Variants in MTUS2 observed in about 807,000 individuals in gnomAD.
MTUS2 encodes the protein microtubule-associated tumor suppressor candidate 2.
MTUS2 carries 40 observed loss-of-function variants against 114.1 expected under a neutral mutation model. The ratio of observed to expected loss-of-function variants is 0.35; its 90% CI spans 0.27 to 0.46. The LOEUF is 0.46. MTUS2 is among the 20% of genes least tolerant of loss of function. The pLI is 1.00. For missense variants in MTUS2, 1,679 were observed against 1,705.4 expected, an observed-to-expected ratio of 0.98 and a Z score of 0.27; for synonymous variants, 688 against 672.0, an observed-to-expected ratio of 1.02 and a Z score of -0.37.
At chr13:29,339,925 G>A (rs1901302451) in intron 7 of MTUS2, 1 of 152,496 alleles carries the variant, frequency 6.6e-6, no homozygotes, top group African/African-American at 2.4e-5. Flanking sequence ...CCAGGTACCA[G>A]CTCAAGTAGT....
chr13:28,877,117 G>A (rs1448054587), intron 2 of MTUS2, among the ~76,000 whole-genome samples: 6 of 147,856 alleles, frequency 4.1e-5, no homozygotes, highest in South Asian at 2.1e-4. Flanking sequence ...ATGAAACCCC[G>A]TCTCTACTAA....
At chr13:29,185,565 G>A (rs1894187800) in intron 5 of MTUS2, among the ~76,000 whole-genome samples, 1 of 152,152 alleles carries the variant, frequency 6.6e-6, no homozygotes, top group Admixed American at 6.5e-5. Flanking sequence ...GGGATCCTCA[G>A]TAATGTTAAC....
At chr13:29,440,187 A>T in intron 9 of MTUS2, 138 bp downstream of exon 9, 3 of 790,308 alleles carry the variant, frequency 3.8e-6, no homozygotes, top group South Asian at 1.7e-5. Flanking sequence ...CACCCAGCAC[A>T]GTGGTGGGCT....
chr13:29,386,127 A>C (rs1872614337), intron 8 of MTUS2, among the ~76,000 whole-genome samples: 1 of 152,244 alleles, frequency 6.6e-6, no homozygotes, highest in Non-Finnish European at 1.5e-5. Flanking sequence ...GCAAAGTGTC[A>C]AGGTATAAGA....
intron 7 of MTUS2, among the ~76,000 whole-genome samples, chr13:29,356,061 C>T (rs2138208093): frequency 6.6e-6 from 1 of 152,174 alleles, no homozygotes; most frequent in Middle Eastern, 3.4e-3. Flanking sequence ...GGCATGCCTG[C>T]CTGCTTTGCT....
intron 6 of MTUS2, among the ~76,000 whole-genome samples, chr13:29,295,628 A>G (rs1898908012): frequency 1.3e-5 from 2 of 152,204 alleles, no homozygotes; most frequent in Non-Finnish European, 2.9e-5. Context: ...GCTACATAGT[A>G]TTCCATTTGT....
intron 2 of MTUS2, among the ~76,000 whole-genome samples, chr13:28,967,542 T>C (rs192095432): frequency 6.6e-6 from 1 of 152,312 alleles, no homozygotes; most frequent in East Asian, 1.9e-4. Flanking sequence ...GTTATTGTCA[T>C]CATCATTGTC....
chr13:29,497,119 A>G, intron 12 of MTUS2, 119 bp from the exon 13 acceptor site: 1 of 845,814 alleles, frequency 1.2e-6, no homozygotes, highest in Non-Finnish European at 1.9e-6. Flanking sequence ...TTCAGCCCCA[A>G]GGGAAACACT....
In MTUS2 at chr13:29,501,085, T is replaced by G; in HGVS notation, c.3799-12T>G. 6.2e-7 allele frequency: 1 copy of G among 1,612,704 alleles called. No individual in the cohort carries two copies. The highest frequency in any genetic ancestry group is 1.3e-5 in the African/African-American group (1 of 74,984). ...CCTTGCTAGAACCTCTTAAACACTG[T>G]TTCCTTTGTAGGCAGAAAAGAACAT... On this transcript the variant is annotated splice_polypyrimidine_tract_variant and intron_variant, in intron 14 of 15. Transcript: ENST00000612955.
intron 2 of MTUS2, among the ~76,000 whole-genome samples, chr13:28,871,410 TTTTTGAATAGGGG>T: frequency 6.6e-6 from 1 of 152,068 alleles, no homozygotes; most frequent in Non-Finnish European, 1.5e-5. Context: ...CTCAGTGAAG[TTTTTGAATAGGGG>T]CTCATAGTAA....
At chr13:29,160,248 T>C (rs747891090) in intron 5 of MTUS2, among the ~76,000 whole-genome samples, 3 of 152,230 alleles carry the variant, frequency 2.0e-5, no homozygotes, top group Non-Finnish European at 4.4e-5. Context: ...TTCTTCAGCC[T>C]CTGCCATCCC....
chr13:29,341,713 T>C (rs1333308323), intron 7 of MTUS2, among the ~76,000 whole-genome samples: 1 of 152,186 alleles, frequency 6.6e-6, no homozygotes, highest in Admixed American at 6.5e-5. Flanking sequence ...ATAAAATCCT[T>C]GCCAAAGCCA....
intron 4 of MTUS2, among the ~76,000 whole-genome samples, chr13:29,070,634 CAG>C (rs377456748): frequency 7.3e-5 from 11 of 150,716 alleles, no homozygotes; most frequent in African/African-American, 1.9e-4. Flanking sequence ...GAATGTGTGT[CAG>C]AGAGAGAGAG....
In MTUS2 at chr13:29,317,590, C is replaced by T. The variant is rs1243731312; in HGVS notation, c.2807-7023C>T. ...AGTAGCTGGGACTACAGGCGCCCGC[C>T]ACCGCGCCCGGCTAATTTTTTGTAT... is the stretch of plus-strand genomic sequence containing the variant. On this transcript the variant is annotated intron_variant, in intron 6 of 15. Coordinates refer to ENST00000612955, the MANE Select transcript of MTUS2 (RefSeq NM_001033602.4). 4.6e-5 allele frequency among the ~76,000 whole-genome samples: 2 copies of T among 43,706 alleles called. 1 individual carries two copies. Among genetic ancestry groups the T allele is most frequent in the Non-Finnish European group, 9.9e-5 (2 of 20,148 alleles). The allele number at this position is 43,706 out of a possible 152,430, so 28.7% of individuals were successfully genotyped here.
intron 2 of MTUS2, among the ~76,000 whole-genome samples, chr13:28,920,160 A>G (rs1880966473): frequency 6.6e-6 from 1 of 152,170 alleles, no homozygotes. Flanking sequence ...TGAGTTAGGC[A>G]TTTATTGAGT....
At chr13:29,493,522 G>T (rs1882330775) in intron 12 of MTUS2, among the ~76,000 whole-genome samples, 1 of 152,150 alleles carries the variant, frequency 6.6e-6, no homozygotes, top group Non-Finnish European at 1.5e-5. Flanking sequence ...TAACACGTAG[G>T]CAGGAATTCT....
intron 5 of MTUS2, among the ~76,000 whole-genome samples, chr13:29,206,982 G>A (rs186634176): frequency 2.6e-5 from 4 of 152,182 alleles, no homozygotes; most frequent in African/African-American, 9.6e-5. Context: ...CATTAAATTT[G>A]TAGATTGCTT....
At chr13:28,926,514 C>T (rs1881335854) in intron 2 of MTUS2, among the ~76,000 whole-genome samples, 1 of 152,186 alleles carries the variant, frequency 6.6e-6, no homozygotes, top group Non-Finnish European at 1.5e-5. Flanking sequence ...AATAAGACAA[C>T]TTGTACTTAA....
intron 2 of MTUS2, among the ~76,000 whole-genome samples, chr13:28,877,654 C>G (rs533766157): frequency 9.9e-5 from 15 of 152,262 alleles, no homozygotes; most frequent in African/African-American, 3.6e-4. Context: ...AATCCTGTGA[C>G]TAACGTAGTG....
Sources: allele counts gnomAD v4.1 joint callset (sites outside exome capture counted in the v4.1 genomes callset), GRCh38; gene constraint gnomAD v4.1.1; transcripts MANE v1.5; gene names NCBI Gene and HGNC (gene_info 2026-07-23, HGNC 2026-07-21).